The following FOXK2 variants were observed in gnomAD, a reference collection of about 807,000 sequenced individuals.
FOXK2 encodes the protein forkhead box protein K2.
Under a neutral mutation model 53.3 loss-of-function variants are expected in FOXK2, and 24 were observed. The ratio of observed to expected loss-of-function variants is 0.45; its 90% CI spans 0.33 to 0.63. FOXK2 has a LOEUF of 0.63. FOXK2 is among the 30% of genes least tolerant of loss of function. FOXK2 has a pLI of 0.03. For synonymous variants in FOXK2, 505 were observed against 407.1 expected (o/e 1.24, Z -2.89); for missense variants, 952 against 910.5 (o/e 1.05, Z -0.59).
In FOXK2 at chr17:82,563,360, A is replaced by G; in HGVS notation, c.426A>G (p.Thr142=). 6.2e-7 allele frequency: 1 copy of G among 1,612,934 alleles called. No homozygotes were observed. The highest frequency in any genetic ancestry group is 2.2e-5 in the East Asian group (1 of 44,850). ...GTGGGCTTTTCTTTTCCAGGTGCAC[A>G]TTCAGGTTCCCGAGCACAAACATCA... ...APPLQLPRVC[T]FRFPSTNIKI... The change falls in exon 2 of 9, where the codon ACA becomes ACG. Residue 142 remains threonine, a synonymous_variant. Transcript: ENST00000335255.
chr17:82,522,041 CTTTTTTTTTTTTTTT>C, intron 1 of FOXK2, among the ~76,000 whole-genome samples: 1 of 107,268 alleles, frequency 9.3e-6, no homozygotes, highest in South Asian at 3.1e-4. Context: ...TTTAATCTGA[CTTTTTTTTTTTTTTT>C]TTTTTTTTTA....
intron 2 of FOXK2, 131 bp downstream of exon 2, chr17:82,563,679 G>T (rs2044822535): frequency 7.9e-6 from 6 of 755,184 alleles, no homozygotes; most frequent in Non-Finnish European, 1.2e-5. Flanking sequence ...AATATCATTG[G>T]ATTTCTGCTC....
Position 82,563,365 on chromosome 17 carries a change from G to T in FOXK2, c.431G>T (p.Arg144Met). The T allele has an allele frequency of 6.2e-7, 1 of 1,613,300 alleles. No individual in the cohort carries two copies. Among genetic ancestry groups the T allele is most frequent in the Non-Finnish European group, 8.5e-7 (1 of 1,179,590 alleles). ...PLQLPRVCTFRFPSTNIKITF... is the reference protein window; with the variant it reads ...PLQLPRVCTFMFPSTNIKITF... ...CTTTTCTTTTCCAGGTGCACATTCA[G>T]GTTCCCGAGCACAAACATCAAGATA... Residue 144 changes from arginine to methionine, a missense_variant, in exon 2 of 9, where the codon AGG becomes ATG. Physicochemically the swap from Arg to Met is moderately conservative, Grantham distance 91. This residue lies in a region of FOXK2 where 76 missense variants were observed against 128.2 expected (regional missense o/e 0.59). Transcript: ENST00000335255.
At chr17:82,574,246 G>C (rs72862366) in intron 4 of FOXK2, among the ~76,000 whole-genome samples, 22,908 of 151,898 alleles carry the variant, frequency 0.15, 2,154 homozygotes, top group East Asian at 0.32. Flanking sequence ...TTCATGCCTC[G>C]TGGCTCCAGC....
intron 8 of FOXK2, among the ~76,000 whole-genome samples, chr17:82,592,331 G>T (rs2045260642): frequency 6.6e-6 from 1 of 152,212 alleles, no homozygotes; most frequent in African/African-American, 2.4e-5. Context: ...TGACTCCTCC[G>T]GCCTCTCTAC....
chr17:82,567,597 C>T (rs1233443487), intron 2 of FOXK2, among the ~76,000 whole-genome samples: 2 of 152,228 alleles, frequency 1.3e-5, no homozygotes, highest in Non-Finnish European at 2.9e-5. Flanking sequence ...GCTCCAGGGG[C>T]CTTGGCTGGC....
At chr17:82,567,571 C>T (rs748463902) in intron 2 of FOXK2, among the ~76,000 whole-genome samples, 7 of 152,210 alleles carry the variant, frequency 4.6e-5, no homozygotes, top group Non-Finnish European at 8.8e-5. Context: ...TCAGTGGAAC[C>T]GCTTGCTCCA....
At chr17:82,560,896 G>A (rs964710864) in intron 1 of FOXK2, among the ~76,000 whole-genome samples, 1 of 152,108 alleles carries the variant, frequency 6.6e-6, no homozygotes, top group Non-Finnish European at 1.5e-5. Flanking sequence ...TGAGTTCGAG[G>A]CTGCAGTGGG....
intron 8 of FOXK2, among the ~76,000 whole-genome samples, chr17:82,594,725 C>T (rs1038158774): frequency 5.3e-5 from 8 of 152,134 alleles, no homozygotes; most frequent in South Asian, 2.1e-4. Flanking sequence ...TAGATGGACT[C>T]GCAGAGGAAC....
chr17:82,574,020 G>A (rs1020328589), intron 4 of FOXK2, among the ~76,000 whole-genome samples: 1 of 152,206 alleles, frequency 6.6e-6, no homozygotes, highest in Non-Finnish European at 1.5e-5. Flanking sequence ...AGGACCCCAC[G>A]GGACCCCTCA....
rs1261390810 is a variant in FOXK2 at position 82,585,962 on chromosome 17, C to T, written c.1338C>T (p.Ala446=). ...LITVQRQLPQ[A]IKPVTYTVAT... ...CCGTCCAGCGGCAGCTACCACAGGC[C>T]ATCAAGCCTGTCACCTACACTGTGG... The change falls in exon 7 of 9, where the codon GCC becomes GCT. Residue 446 remains alanine (A), a synonymous_variant. Coordinates refer to ENST00000335255, the MANE Select transcript of FOXK2 (RefSeq NM_004514.4). 1.9e-6 allele frequency: 3 copies of T among 1,612,676 alleles called. No individual in the cohort carries two copies. The highest frequency in any genetic ancestry group is 1.7e-5 in the Admixed American group (1 of 59,994).
chr17:82,552,016 C>G (rs1049621471), intron 1 of FOXK2, among the ~76,000 whole-genome samples: 6 of 152,128 alleles, frequency 3.9e-5, no homozygotes, highest in Admixed American at 6.5e-5. Context: ...TGGGCTCCCC[C>G]TTGTGGAGTC....
At chr17:82,587,334 A>C (rs1156781975) in intron 8 of FOXK2, 62 bp downstream of exon 8, 7 of 1,317,296 alleles carry the variant, frequency 5.3e-6, no homozygotes. Context: ...GCCCCTTCTC[A>C]CTCGTGGTTT....
At chr17:82,528,209 G>A (rs1311195221) in intron 1 of FOXK2, among the ~76,000 whole-genome samples, 2 of 152,202 alleles carry the variant, frequency 1.3e-5, no homozygotes, top group African/African-American at 4.8e-5. Context: ...CAGAAGTACA[G>A]CACAGCTCTG....
At chr17:82,537,264 G>A (rs890665929) in intron 1 of FOXK2, among the ~76,000 whole-genome samples, 1 of 152,140 alleles carries the variant, frequency 6.6e-6, no homozygotes, top group African/African-American at 2.4e-5. Flanking sequence ...TTTCTTAAAT[G>A]ATTAAAGTTT....
chr17:82,557,212 A>G (rs2044737385), intron 1 of FOXK2, among the ~76,000 whole-genome samples: 1 of 144,326 alleles, frequency 6.9e-6, no homozygotes, highest in Non-Finnish European at 1.5e-5. Context: ...TTGTATTTTT[A>G]ATAGAGATGG....
chr17:82,586,000 C>T lies in FOXK2; in HGVS notation c.1376C>T (p.Thr459Ile). 1.2e-6 allele frequency: 2 copies of T among 1,612,842 alleles called. No individual in the cohort carries two copies. Among genetic ancestry groups the T allele is most frequent in the South Asian group, 1.1e-5 (1 of 91,088 alleles). ...PVTYTVATPV[T>I]TSTSQPPVVQ... Reference sequence around the variant, plus strand: ...ACCTACACTGTGGCCACCCCAGTGACCACCTCGACCTCCCAGCCACCCGTC... The same window carrying T: ...ACCTACACTGTGGCCACCCCAGTGATCACCTCGACCTCCCAGCCACCCGTC... Residue 459 changes from threonine (T) to isoleucine (I), a missense_variant, in exon 7 of 9, where the codon ACC becomes ATC. Coordinates refer to ENST00000335255, the MANE Select transcript of FOXK2 (RefSeq NM_004514.4).
chr17:82,561,669 A>G (rs1405541205), intron 1 of FOXK2, among the ~76,000 whole-genome samples: 1 of 130,428 alleles, frequency 7.7e-6, no homozygotes, highest in Non-Finnish European at 1.7e-5. Context: ...CAGCACGGCA[A>G]AGAAGCGAGT....
chr17:82,555,850 T>A (rs1291642059), intron 1 of FOXK2, among the ~76,000 whole-genome samples: 1 of 125,546 alleles, frequency 8.0e-6, no homozygotes, highest in African/African-American at 3.1e-5. Context: ...ATTGTGCCAC[T>A]GCACTCCAGC....
Sources: gnomAD v4.1 joint callset for allele counts (sites outside exome capture counted in the v4.1 genomes callset) on GRCh38, gnomAD v4.1.1 for gene constraint, gnomAD v4.1.1 regional missense constraint, MANE v1.5 for transcripts, NCBI Gene and HGNC (gene_info 2026-07-23, HGNC 2026-07-21) for gene names.